The following STK39 variants were observed in gnomAD, a reference collection of about 807,000 sequenced individuals.
STK39 encodes serine/threonine kinase 39.
A neutral mutation model predicts 77.8 loss-of-function variants in STK39; 20 were observed. That is an observed-to-expected ratio of 0.26 (90% CI 0.18 to 0.37). STK39 has a LOEUF of 0.37. STK39 is among the 10% of genes least tolerant of loss of function. STK39 has a pLI of 1.00. For missense variants in STK39, 479 were observed against 656.5 expected, an observed-to-expected ratio of 0.73 and a Z score of 2.95; for synonymous variants, 246 against 234.1, an observed-to-expected ratio of 1.05 and a Z score of -0.47.
At chr2:168,000,170 T>C (rs890769347) in intron 16 of STK39, among the ~76,000 whole-genome samples, 1 of 152,236 alleles carries the variant, frequency 6.6e-6, no homozygotes. Context: ...AGATTATGCC[T>C]ATAAGATTAA....
chr2:168,017,722 T>C (rs1263959909), intron 14 of STK39, among the ~76,000 whole-genome samples: 1 of 152,066 alleles, frequency 6.6e-6, no homozygotes. Flanking sequence ...AAATAAATGG[T>C]ATCCATTTTT....
chr2:168,048,633 G>T (rs1029363848), intron 14 of STK39, among the ~76,000 whole-genome samples: 1 of 152,134 alleles, frequency 6.6e-6, no homozygotes, highest in Non-Finnish European at 1.5e-5. Flanking sequence ...ACAGGACCTG[G>T]GTAAATGAAA....
At chr2:168,223,937 C>A (rs923037732) in intron 1 of STK39, among the ~76,000 whole-genome samples, 1 of 152,090 alleles carries the variant, frequency 6.6e-6, no homozygotes, top group Non-Finnish European at 1.5e-5. Context: ...AAAGGTTGCT[C>A]TACCTCAAAA....
At chr2:168,099,950 C>G (rs1447249844) in intron 10 of STK39, among the ~76,000 whole-genome samples, 1 of 152,120 alleles carries the variant, frequency 6.6e-6, no homozygotes, top group Non-Finnish European at 1.5e-5. Context: ...AATGGAGACC[C>G]ATCTGTCCAG....
At chr2:168,226,685 C>T (rs1000680675) in intron 1 of STK39, among the ~76,000 whole-genome samples, 3 of 141,810 alleles carry the variant, frequency 2.1e-5, no homozygotes, top group African/African-American at 7.6e-5. Context: ...TGGGTCAAAT[C>T]GGGAATAAGG....
intron 10 of STK39, among the ~76,000 whole-genome samples, chr2:168,081,562 T>C (rs955021147): frequency 8.5e-5 from 13 of 152,168 alleles, no homozygotes; most frequent in African/African-American, 3.1e-4. Context: ...TGTTGGACTG[T>C]GGACTTTTGA....
chr2:168,174,319 G>A (rs1035274344), intron 2 of STK39, among the ~76,000 whole-genome samples: 10 of 152,088 alleles, frequency 6.6e-5, no homozygotes, highest in Non-Finnish European at 1.2e-4. Flanking sequence ...ACTTGCTAAC[G>A]GAACAGAATG....
intron 17 of STK39, 154 bp downstream of exon 17, chr2:167,964,508 G>T (rs1017350353): frequency 3.0e-6 from 2 of 664,906 alleles, no homozygotes; most frequent in Non-Finnish European, 5.1e-6. Flanking sequence ...GTTCCCTAAC[G>T]CTGCAGAGTC....
chr2:167,958,878 A>C (rs1691858532), intron 17 of STK39, among the ~76,000 whole-genome samples: 1 of 152,190 alleles, frequency 6.6e-6, no homozygotes, highest in African/African-American at 2.4e-5. Context: ...AGCATCACTG[A>C]CTTATGCAGA....
intron 7 of STK39, among the ~76,000 whole-genome samples, chr2:168,139,541 A>T (rs1428159145): frequency 6.6e-6 from 1 of 151,988 alleles, no homozygotes; most frequent in East Asian, 1.9e-4. Flanking sequence ...CTACAATATG[A>T]GTATACTACT....
intron 10 of STK39, among the ~76,000 whole-genome samples, chr2:168,110,357 C>T (rs570472630): frequency 2.6e-5 from 4 of 152,132 alleles, no homozygotes; most frequent in East Asian, 3.8e-4. Context: ...CTCAGCCTTC[C>T]CAGTAGCTAG....
Position 167,983,427 on chromosome 2 carries a change from C to A in STK39, c.1499-18701G>T, listed in dbSNP as rs1449421339. On this transcript the variant is annotated intron_variant, in intron 16 of 17. Coordinates refer to ENST00000355999, the MANE Select transcript of STK39 (RefSeq NM_013233.3). Reference sequence around the variant, plus strand: ...CCAGATTGCGCCGTTGCACTCCAGCCTGCGCAACAAGAGTGAAACTCCATC... The same window carrying A: ...CCAGATTGCGCCGTTGCACTCCAGCATGCGCAACAAGAGTGAAACTCCATC... Among the ~76,000 whole-genome samples the A allele has an allele frequency of 2.1e-5, 3 of 139,674 alleles. No homozygotes were observed. In the East Asian group the frequency reaches 6.6e-4, roughly 31 times the overall value. The allele number at this position is 139,674 out of a possible 152,430, so 91.6% of individuals were successfully genotyped here.
chr2:168,197,055 C>G (rs1458161475), intron 1 of STK39, among the ~76,000 whole-genome samples: 4 of 152,124 alleles, frequency 2.6e-5, no homozygotes, highest in African/African-American at 4.8e-5. Context: ...GTCACTCTGG[C>G]TGCTATGTGT....
chr2:168,123,443 T>G (rs1220428890), intron 10 of STK39, among the ~76,000 whole-genome samples: 8 of 152,218 alleles, frequency 5.3e-5, no homozygotes, highest in Non-Finnish European at 7.4e-5. Flanking sequence ...GAAGTATATT[T>G]AGAGGTAAAG....
In STK39 at chr2:168,029,234, C is replaced by T. The variant is rs147043715; in HGVS notation, c.1377-12139G>A. On this transcript the variant is annotated intron_variant, in intron 14 of 17. Coordinates refer to ENST00000355999, the MANE Select transcript of STK39 (RefSeq NM_013233.3). ...GATGTCAGTTACTCCAACTGAGCAC[C>T]GGATTTAGCTTTACTTGCCTGAAAC... Among the ~76,000 whole-genome samples the T allele has an allele frequency of 1.1e-3, 169 of 152,220 alleles. 1 individual carries two copies. Among genetic ancestry groups the T allele is most frequent in the Non-Finnish European group, 1.9e-3 (129 of 68,004 alleles).
At chr2:168,085,073 C>T (rs748951288) in intron 10 of STK39, among the ~76,000 whole-genome samples, 7 of 152,202 alleles carry the variant, frequency 4.6e-5, no homozygotes, top group Non-Finnish European at 8.8e-5. Context: ...ACAAGATTCA[C>T]AGAAAACCCA....
chr2:168,157,783 C>A (rs1273835743), intron 5 of STK39, among the ~76,000 whole-genome samples: 1 of 152,120 alleles, frequency 6.6e-6, no homozygotes, highest in Non-Finnish European at 1.5e-5. Context: ...AACCACAGCA[C>A]ACACACACCT....
At chr2:168,104,952 A>C (rs1386044629) in intron 10 of STK39, among the ~76,000 whole-genome samples, 2 of 152,254 alleles carry the variant, frequency 1.3e-5, no homozygotes, top group African/African-American at 4.8e-5. Context: ...GTAGTACATT[A>C]GGTAGTAACA....
chr2:168,009,153 G>A (rs1444779074), intron 16 of STK39, among the ~76,000 whole-genome samples: 2 of 152,130 alleles, frequency 1.3e-5, no homozygotes, highest in Non-Finnish European at 2.9e-5. Context: ...TAGCTGTTAA[G>A]GGGTTGGACA....
Sources: gnomAD v4.1 joint callset for allele counts (sites outside exome capture counted in the v4.1 genomes callset) on GRCh38, gnomAD v4.1.1 for gene constraint, MANE v1.5 for transcripts, NCBI Gene and HGNC (gene_info 2026-07-23, HGNC 2026-07-21) for gene names.